ARHGEF9: variants seen among roughly 807,000 people sequenced by gnomAD.
The protein encoded by ARHGEF9 is rho guanine nucleotide exchange factor 9.
ARHGEF9 carries 2 observed loss-of-function variants against 41.3 expected under a neutral mutation model. The ratio of observed to expected loss-of-function variants is 0.05; its 90% CI spans 0.02 to 0.15. The LOEUF (loss-of-function observed/expected upper bound fraction) is 0.15. Ranked by LOEUF, ARHGEF9 falls within the 10% of genes least tolerant of loss-of-function variation. The pLI is 1.00. For missense variants in ARHGEF9, 225 were observed against 424.7 expected (o/e 0.53, Z 4.13); for synonymous variants, 160 against 154.4 (o/e 1.04, Z -0.27).
Position 63,678,541 on chromosome X carries a change from C to T in ARHGEF9, c.614G>A (p.Cys205Tyr). 1 of 1,201,834 alleles carries T rather than the reference C, an allele frequency of 8.3e-7. No individual in the cohort carries two copies. Among genetic ancestry groups the T allele is most frequent in the Non-Finnish European group, 1.1e-6 (1 of 889,876 alleles). ...QDGFWIYSEYCNNHLDACMEL... is the reference protein window; with the variant it reads ...QDGFWIYSEYYNNHLDACMEL... Reference sequence around the variant, plus strand: ...CATGCAAGCATCCAGGTGGTTGTTACAATACTCAGAGTATATCCAGAATCC... The same window carrying T: ...CATGCAAGCATCCAGGTGGTTGTTATAATACTCAGAGTATATCCAGAATCC... The change falls in exon 5 of 10, where the codon TGT (cysteine) becomes TAT (tyrosine). Residue 205 changes from cysteine (C) to tyrosine (Y), a missense_variant. Transcript: ENST00000671741.
chrX:63,656,953 G>T (rs1427911613), intron 7 of ARHGEF9: 1 of 112,007 alleles, frequency 8.9e-6, no homozygotes, highest in South Asian at 3.7e-4. Context: ...AGGGATGGAA[G>T]AAATGACATA....
intron 2 of ARHGEF9, among the ~76,000 whole-genome samples, chrX:63,707,766 G>C (rs1556403663): frequency 9.0e-6 from 1 of 111,437 alleles, no homozygotes. Flanking sequence ...GAGGCTTTGG[G>C]ATAGAACTAG....
intron 2 of ARHGEF9, among the ~76,000 whole-genome samples, chrX:63,719,035 C>CA (rs1351668144): frequency 9.0e-6 from 1 of 111,328 alleles, no homozygotes. Flanking sequence ...TGATGTAATC[C>CA]AAAAAATGTG....
intron 8 of ARHGEF9, among the ~76,000 whole-genome samples, chrX:63,645,761 G>A (rs1407322782): frequency 1.8e-5 from 2 of 111,815 alleles, no homozygotes; most frequent in Non-Finnish European, 3.8e-5. Flanking sequence ...GGATGGCTGG[G>A]TCAAATGGGA....
intron 1 of ARHGEF9, among the ~76,000 whole-genome samples, chrX:63,784,263 A>C (rs782579171): frequency 8.9e-6 from 1 of 112,355 alleles, no homozygotes; most frequent in Non-Finnish European, 1.9e-5. Context: ...ACCAGGCTTA[A>C]GCTGCTCCTG....
chrX:63,749,206 A>G (rs1270477450), intron 1 of ARHGEF9, among the ~76,000 whole-genome samples: 5 of 112,004 alleles, frequency 4.5e-5, no homozygotes, highest in Admixed American at 3.8e-4. Context: ...GATGACTCCC[A>G]AATCTCCTTT....
At chrX:63,748,424 T>C (rs1295990605) in intron 1 of ARHGEF9, among the ~76,000 whole-genome samples, 5 of 112,327 alleles carry the variant, frequency 4.5e-5, no homozygotes, top group African/African-American at 1.3e-4. Context: ...GATGCAGTGC[T>C]AGAAGGGACT....
chrX:63,756,269 T>C (rs782698105), intron 1 of ARHGEF9, among the ~76,000 whole-genome samples: 71 of 112,159 alleles, frequency 6.3e-4, no homozygotes, highest in Non-Finnish European at 1.2e-3. Flanking sequence ...ATACAGGAGA[T>C]CTCTCAGAGC....
At chrX:63,762,653 A>T (rs2056053587) in intron 1 of ARHGEF9, among the ~76,000 whole-genome samples, 1 of 112,019 alleles carries the variant, frequency 8.9e-6, no homozygotes, top group South Asian at 3.8e-4. Flanking sequence ...AAGATATGCA[A>T]TGTGGAAAAA....
At chrX:63,720,881 C>A (rs2053598820) in intron 2 of ARHGEF9, among the ~76,000 whole-genome samples, 2 of 112,187 alleles carry the variant, frequency 1.8e-5, no homozygotes, top group South Asian at 3.7e-4. Flanking sequence ...CAATTCCCGG[C>A]TTTTCTTGAA....
At chrX:63,711,504 A>G (rs1290655505) in intron 2 of ARHGEF9, among the ~76,000 whole-genome samples, 1 of 112,053 alleles carries the variant, frequency 8.9e-6, no homozygotes, top group Non-Finnish European at 1.9e-5. Flanking sequence ...TATATCCTAC[A>G]TTCATGCTGA....
chrX:63,675,098 G>A (rs2050178286), intron 5 of ARHGEF9, among the ~76,000 whole-genome samples: 1 of 111,638 alleles, frequency 9.0e-6, no homozygotes, highest in South Asian at 3.8e-4. Flanking sequence ...CCTAGGTATA[G>A]GATAGTAGAT....
chrX:63,646,034 G>A (rs1257328605), intron 8 of ARHGEF9, among the ~76,000 whole-genome samples: 1 of 111,966 alleles, frequency 8.9e-6, no homozygotes, highest in Non-Finnish European at 1.9e-5. Context: ...CTTCTTTTGA[G>A]AAGTGTCTGT....
At chrX:63,650,700 C>A (rs1415367905) in intron 8 of ARHGEF9, among the ~76,000 whole-genome samples, 1 of 110,683 alleles carries the variant, frequency 9.0e-6, no homozygotes, top group Non-Finnish European at 1.9e-5. Context: ...ATGAATATCG[C>A]AATTACCCTG....
chrX:63,761,678 G>A (rs1373724295), intron 1 of ARHGEF9, among the ~76,000 whole-genome samples: 8 of 111,280 alleles, frequency 7.2e-5, no homozygotes, highest in African/African-American at 9.8e-5. Flanking sequence ...TCTGTTCTCC[G>A]ATGACATAGT....
chrX:63,697,104 C>T lies in ARHGEF9; in HGVS notation c.582+21G>A, dbSNP rs1339084907. On this transcript the variant is annotated intron_variant, in intron 4 of 9. Transcript: ENST00000671741. ...TTCCTAACACCTCTCAAAACCCTCC[C>T]CAAATGGATAAGATACTTACGTGCT... 8 of 1,202,926 alleles carry T rather than the reference C, an allele frequency of 6.7e-6. No individual in the cohort carries two copies. The African/African-American group carries it at 1.4e-4, about 21-fold the overall frequency.
chrX:63,779,466 C>A, intron 1 of ARHGEF9, among the ~76,000 whole-genome samples: 1 of 111,482 alleles, frequency 9.0e-6, no homozygotes. Flanking sequence ...CTTTTGAGAA[C>A]TCACTTACTA....
At chrX:63,709,752 C>G (rs2147527214) in intron 2 of ARHGEF9, among the ~76,000 whole-genome samples, 1 of 111,844 alleles carries the variant, frequency 8.9e-6, no homozygotes, top group Non-Finnish European at 1.9e-5. Flanking sequence ...GGGTTCCTCC[C>G]AGACTGGTCT....
chrX:63,768,433 G>A (rs1306188181), intron 1 of ARHGEF9, among the ~76,000 whole-genome samples: 6 of 112,252 alleles, frequency 5.3e-5, no homozygotes, highest in African/African-American at 1.9e-4. Flanking sequence ...ATTGTGCTGT[G>A]ATAAACATAT....
Sources: gnomAD v4.1 joint callset for allele counts (sites outside exome capture counted in the v4.1 genomes callset) on GRCh38, gnomAD v4.1.1 for gene constraint, MANE v1.5 for transcripts, NCBI Gene and HGNC (gene_info 2026-07-23, HGNC 2026-07-21) for gene names.